Variants in APBB2 observed in about 807,000 individuals in gnomAD.
APBB2 encodes the protein Fe65-like 1.
Under a neutral mutation model 82.5 loss-of-function variants are expected in APBB2, and 38 were observed. The observed-to-expected ratio is 0.46, with a 90% CI of 0.36 to 0.60. APBB2 has a LOEUF of 0.60. Ranked by LOEUF, APBB2 falls within the 20% of genes least tolerant of loss-of-function variation. APBB2 has a pLI of 0.00. For synonymous variants in APBB2, 341 were observed against 368.2 expected (o/e 0.93, Z 0.85); for missense variants, 772 against 972.3 (o/e 0.79, Z 2.74).
At chr4:40,959,994 G>A (rs1792639129) in intron 6 of APBB2, among the ~76,000 whole-genome samples, 1 of 152,092 alleles carries the variant, frequency 6.6e-6, no homozygotes. Flanking sequence ...AAATCTTGGT[G>A]TATTTTTATT....
At position 41,049,526 on chromosome 4, in the gene APBB2, C is replaced by T. The variant is rs1254208647; in HGVS notation, c.-51+16050G>A. Reference sequence around the variant, plus strand: ...AGGGAGGTGGGGGCCAGCCCCCGCCCGGCCAGCCGCCCCGTCCGGGAGGGA... The same window carrying T: ...AGGGAGGTGGGGGCCAGCCCCCGCCTGGCCAGCCGCCCCGTCCGGGAGGGA... On this transcript the variant is annotated intron_variant, in intron 4 of 17. Transcript: ENST00000508593. Among the ~76,000 whole-genome samples the T allele has an allele frequency of 2.2e-3, 323 of 144,486 alleles. 7 individuals are homozygous for T. Among genetic ancestry groups the T allele is most frequent in the African/African-American group, 8.2e-3 (308 of 37,540 alleles). 94.8% of individuals were successfully genotyped at this position (144,486 alleles called of 152,430 possible). A position where few individuals can be genotyped will look rare whatever the true frequency, so the allele number is the denominator to read the frequency against.
chr4:41,157,766 G>A (rs1763855733), intron 1 of APBB2, among the ~76,000 whole-genome samples: 1 of 152,176 alleles, frequency 6.6e-6, no homozygotes, highest in South Asian at 2.1e-4. Context: ...TGATGTGGGT[G>A]GATCACTTGA....
chr4:40,921,106 C>T (rs928444078), intron 10 of APBB2, among the ~76,000 whole-genome samples: 11 of 152,126 alleles, frequency 7.2e-5, no homozygotes, highest in African/African-American at 1.9e-4. Flanking sequence ...CTGTGAGGCT[C>T]GTGGCAGCAT....
chr4:40,921,578 T>G (rs114283236), intron 10 of APBB2, among the ~76,000 whole-genome samples: 6,817 of 152,310 alleles, frequency 0.045, 196 homozygotes, highest in Non-Finnish European at 0.069. Context: ...CACGGTGAGA[T>G]GCATAAGAAT....
intron 2 of APBB2, among the ~76,000 whole-genome samples, chr4:41,136,719 G>A (rs1757672275): frequency 1.3e-5 from 2 of 152,160 alleles, no homozygotes; most frequent in South Asian, 4.1e-4. Context: ...TCCAGTTAAA[G>A]CCCAGCAGCA....
intron 3 of APBB2, among the ~76,000 whole-genome samples, chr4:41,092,703 A>T (rs1477619470): frequency 6.6e-6 from 1 of 151,964 alleles, no homozygotes; most frequent in African/African-American, 2.4e-5. Flanking sequence ...AAAAAAAAAA[A>T]AAGTACTTGG....
At chr4:41,016,675 G>A (rs1810049812) in intron 5 of APBB2, among the ~76,000 whole-genome samples, 1 of 151,494 alleles carries the variant, frequency 6.6e-6, no homozygotes, top group Non-Finnish European at 1.5e-5. Context: ...GAAAAAAAAA[G>A]ACTTCTAGCC....
chr4:41,078,105 CT>C (rs1220931260), intron 3 of APBB2, among the ~76,000 whole-genome samples: 4 of 151,990 alleles, frequency 2.6e-5, no homozygotes, highest in African/African-American at 9.7e-5. Context: ...TGAGATATAA[CT>C]ATCTTAGAGA....
chr4:40,989,439 T>G (rs1363238951), intron 6 of APBB2, among the ~76,000 whole-genome samples: 13 of 152,234 alleles, frequency 8.5e-5, no homozygotes, highest in Admixed American at 6.5e-5. Flanking sequence ...TGTCACCACT[T>G]AGCTTTTGTA....
At chr4:40,817,066 A>G (rs181107307) in intron 17 of APBB2, among the ~76,000 whole-genome samples, 1 of 152,312 alleles carries the variant, frequency 6.6e-6, no homozygotes, top group East Asian at 1.9e-4. Flanking sequence ...TTAGATAAAA[A>G]GTTAAAATTT....
rs561558380 is a variant in APBB2 at position 41,180,873 on chromosome 4, T to C, written c.-417+33532A>G. On this transcript the variant is annotated intron_variant, in intron 1 of 17. Transcript: ENST00000508593. ...CCAAAGCTGTTTTCATTGTATAGTT[T>C]AATTCTACTTCCTTCCTTTTTTCCC... Among the ~76,000 whole-genome samples the C allele has an allele frequency of 3.9e-5, 6 of 152,262 alleles. No homozygotes were observed. The South Asian group carries it at 8.3e-4, about 21-fold the overall frequency.
At chr4:41,069,501 TTCTGTTAACAGGAACAAGA>T (rs944611531) in intron 3 of APBB2, among the ~76,000 whole-genome samples, 23 of 152,332 alleles carry the variant, frequency 1.5e-4, no homozygotes, top group African/African-American at 4.8e-4. Context: ...GGTTTGTCTA[TTCTGTTAACAGGAACAAGA>T]TCCAGGCCAT....
At position 40,982,213 on chromosome 4, in the gene APBB2, AAAAGAAAGG is replaced by A. The variant is rs1254278836; in HGVS notation, c.835+31361_835+31369del. Among the ~76,000 whole-genome samples, 236 of 29,624 alleles carry A rather than the reference AAAAGAAAGG, an allele frequency of 8.0e-3. 24 individuals are homozygous for A. Among genetic ancestry groups the A allele is most frequent in the African/African-American group, 0.018 (162 of 8,810 alleles). 19.4% of individuals were successfully genotyped at this position (29,624 alleles called of 152,430 possible). A position where few individuals can be genotyped will look rare whatever the true frequency, so the allele number is the denominator to read the frequency against. On this transcript the variant is annotated intron_variant, in intron 6 of 17. Coordinates refer to ENST00000508593, the MANE Select transcript of APBB2 (RefSeq NM_004307.2). The stretch of plus-strand genomic sequence containing the variant: ...AAAAAAGGAAAGAAAGAAAAGAAAG[AAAAGAAAGG>A]AAAGAAAGAAAGAAAGAAAGAAAGA...
At chr4:40,817,461 C>T (rs1399157019) in intron 17 of APBB2, among the ~76,000 whole-genome samples, 2 of 152,074 alleles carry the variant, frequency 1.3e-5, no homozygotes, top group Non-Finnish European at 2.9e-5. Flanking sequence ...AGAGTTTGAA[C>T]TGTGCAGGTC....
At position 40,871,482 on chromosome 4, in the gene APBB2, T is replaced by C. The variant is rs145941472; in HGVS notation, c.1529+18882A>G. ...CTGAAGTTTCCTCTTCCTTCCCTCATGTGGGCCTCTGCACAAGGTAATTGG... is the reference window on the plus strand; with the variant it reads ...CTGAAGTTTCCTCTTCCTTCCCTCACGTGGGCCTCTGCACAAGGTAATTGG... On this transcript the variant is annotated intron_variant, in intron 12 of 17. Coordinates refer to ENST00000508593, the MANE Select transcript of APBB2 (RefSeq NM_004307.2). Among the ~76,000 whole-genome samples the C allele has an allele frequency of 4.1e-3, 628 of 152,308 alleles. 7 individuals are homozygous for C. The highest frequency in any genetic ancestry group is 0.014 in the African/African-American group (575 of 41,566).
intron 1 of APBB2, among the ~76,000 whole-genome samples, chr4:41,186,952 T>C (rs756769158): frequency 1.3e-5 from 2 of 152,224 alleles, no homozygotes; most frequent in African/African-American, 2.4e-5. Flanking sequence ...ATATTTAAGA[T>C]GCATAGCAAC....
intron 3 of APBB2, among the ~76,000 whole-genome samples, chr4:41,073,070 G>C (rs1462806232): frequency 6.6e-6 from 1 of 152,158 alleles, no homozygotes; most frequent in East Asian, 1.9e-4. Context: ...ACAACACACA[G>C]ATCTTTATTT....
chr4:41,151,099 C>T (rs1378566284), intron 1 of APBB2, among the ~76,000 whole-genome samples: 2 of 152,146 alleles, frequency 1.3e-5, no homozygotes, highest in Non-Finnish European at 2.9e-5. Flanking sequence ...TCAAGAGACA[C>T]ATTTCTTTAC....
Position 41,021,588 on chromosome 4 carries a change from A to T in APBB2, c.20-7190T>A, listed in dbSNP as rs113506357. On this transcript the variant is annotated intron_variant, in intron 5 of 17. Coordinates refer to ENST00000508593, the MANE Select transcript of APBB2 (RefSeq NM_004307.2). Reference sequence around the variant, plus strand: ...CCAATCAGCCCTCTATGTCTAGCTAAAGGTTTGTAAACTCACCAATCAGCA... The same window carrying T: ...CCAATCAGCCCTCTATGTCTAGCTATAGGTTTGTAAACTCACCAATCAGCA... Among the ~76,000 whole-genome samples the T allele has an allele frequency of 9.2e-3, 1,395 of 152,274 alleles. 29 individuals carry two copies. Among genetic ancestry groups the T allele is most frequent in the African/African-American group, 0.032 (1,332 of 41,548 alleles).
Sources: allele counts gnomAD v4.1 joint callset (sites outside exome capture counted in the v4.1 genomes callset), GRCh38; gene constraint gnomAD v4.1.1; transcripts MANE v1.5; gene names NCBI Gene and HGNC (gene_info 2026-07-23, HGNC 2026-07-21).